PEAK1: variants seen among roughly 807,000 people sequenced by gnomAD.
PEAK1 encodes inactive tyrosine-protein kinase PEAK1.
A neutral mutation model predicts 124.7 loss-of-function variants in PEAK1; 54 were observed. The observed-to-expected ratio is 0.43, with a 90% CI of 0.35 to 0.54. PEAK1 has a LOEUF of 0.54. Ranked by LOEUF, PEAK1 falls within the 20% of genes least tolerant of loss-of-function variation. The probability of loss-of-function intolerance (pLI) is 0.01; values close to 1 mark genes in which losing one functional copy is unlikely to be tolerated. For synonymous variants in PEAK1, 719 were observed against 760.0 expected (o/e 0.95, Z 0.89); for missense variants, 2,046 against 2,134.5 (o/e 0.96, Z 0.82).
rs543319641 is a variant in PEAK1 at position 77,171,666 on chromosome 15, G to T, written c.3137+7124C>A. On this transcript the variant is annotated intron_variant, in intron 7 of 9. Coordinates refer to ENST00000682557, the MANE Select transcript of PEAK1 (RefSeq NM_001385026.1). ...TAACATTATTATATAGTTTCAGATA[G>T]CTAGAAGGAGGATACTGAATGTTGC... is the stretch of plus-strand genomic sequence containing the variant. 4.1e-4 allele frequency among the ~76,000 whole-genome samples: 62 copies of T among 152,216 alleles called. 1 individual carries two copies. Among genetic ancestry groups the T allele is most frequent in the Non-Finnish European group, 6.5e-4 (44 of 67,980 alleles).
At chr15:77,141,667 G>A (rs1267937814) in intron 8 of PEAK1, among the ~76,000 whole-genome samples, 1 of 152,148 alleles carries the variant, frequency 6.6e-6, no homozygotes, top group Non-Finnish European at 1.5e-5. Context: ...TGGTACTGGC[G>A]TAAGAATAGA....
intron 1 of PEAK1, chr15:77,402,168 G>GACAAAAAAAAAAAA: frequency 1.2e-6 from 1 of 862,070 alleles, no homozygotes; most frequent in Non-Finnish European, 1.4e-6. Flanking sequence ...CTCCACCTCG[G>GACAAAAAAAAAAAA]AAAAAAAAAA....
At chr15:77,325,243 T>C (rs2065492568) in intron 2 of PEAK1, among the ~76,000 whole-genome samples, 2 of 151,994 alleles carry the variant, frequency 1.3e-5, no homozygotes. Context: ...TAGGGAGCCC[T>C]GTCTCTATAA....
chr15:77,278,949 C>T (rs1226272237), intron 5 of PEAK1, among the ~76,000 whole-genome samples: 1 of 151,016 alleles, frequency 6.6e-6, no homozygotes, highest in East Asian at 2.0e-4. Flanking sequence ...TCTCTAGCCT[C>T]AGCCTCCCGA....
intron 2 of PEAK1, among the ~76,000 whole-genome samples, chr15:77,295,008 T>C (rs369237194): frequency 4.6e-5 from 7 of 152,302 alleles, no homozygotes; most frequent in East Asian, 1.9e-4. Context: ...TTACTACCAA[T>C]GGATGAATGG....
intron 1 of PEAK1, among the ~76,000 whole-genome samples, chr15:77,370,135 A>G (rs1217271123): frequency 6.6e-6 from 1 of 152,076 alleles, no homozygotes; most frequent in African/African-American, 2.4e-5. Flanking sequence ...AACCAAGCAA[A>G]TTAAGCTACT....
intron 8 of PEAK1, among the ~76,000 whole-genome samples, chr15:77,152,538 G>A (rs938285010): frequency 2.4e-4 from 37 of 152,104 alleles, no homozygotes; most frequent in Admixed American, 7.9e-4. Context: ...GAATAGGAGC[G>A]GTGAGAGAGG....
At chr15:77,321,797 A>G (rs1044610954) in intron 2 of PEAK1, among the ~76,000 whole-genome samples, 4 of 152,176 alleles carry the variant, frequency 2.6e-5, no homozygotes, top group African/African-American at 9.6e-5. Flanking sequence ...CAGGTCTAAC[A>G]TTTAAGTCTT....
chr15:77,155,674 C>A, intron 8 of PEAK1: 1 of 152,288 alleles, frequency 6.6e-6, no homozygotes. Flanking sequence ...TGTGGATGTC[C>A]TTTCTGTTTG....
In PEAK1 at chr15:77,355,970, A is replaced by T. The variant is rs1293280631; in HGVS notation, c.-603+9193T>A. Reference sequence around the variant, plus strand: ...CCTGAGACAAGAGGCAGTCCAGCAAAGCTGTGGGATAACAAACGAGAAAAA... The same window carrying T: ...CCTGAGACAAGAGGCAGTCCAGCAATGCTGTGGGATAACAAACGAGAAAAA... On this transcript the variant is annotated intron_variant, in intron 2 of 9. Coordinates refer to ENST00000682557, the MANE Select transcript of PEAK1 (RefSeq NM_001385026.1). 4.1e-6 allele frequency: 4 copies of T among 973,778 alleles called. No individual in the cohort carries two copies. In the East Asian group the frequency reaches 4.6e-4, roughly 111 times the overall value. The allele number at this position is 973,778 out of a possible 1,614,324, so 60.3% of individuals were successfully genotyped here. A position where few individuals can be genotyped will look rare whatever the true frequency, so the allele number is the denominator to read the frequency against.
At chr15:77,338,635 A>T (rs893113780) in intron 2 of PEAK1, among the ~76,000 whole-genome samples, 23 of 17,740 alleles carry the variant, frequency 1.3e-3, no homozygotes, top group African/African-American at 4.8e-3. Context: ...AAAAATCTTT[A>T]AAAAAAAAAA....
At chr15:77,389,101 C>T (rs956333592) in intron 1 of PEAK1, among the ~76,000 whole-genome samples, 2 of 151,712 alleles carry the variant, frequency 1.3e-5, no homozygotes, top group African/African-American at 2.4e-5. Context: ...GGACTACAGA[C>T]ATGCACCAAC....
At chr15:77,239,010 T>C (rs895001793) in intron 6 of PEAK1, among the ~76,000 whole-genome samples, 5 of 152,202 alleles carry the variant, frequency 3.3e-5, no homozygotes, top group African/African-American at 1.2e-4. Context: ...GTTTTGCTGT[T>C]TCCTATCACA....
At chr15:77,373,245 G>A (rs865776659) in intron 1 of PEAK1, among the ~76,000 whole-genome samples, 2 of 152,028 alleles carry the variant, frequency 1.3e-5, no homozygotes, top group African/African-American at 4.8e-5. Context: ...CCCTTTGCTT[G>A]TTTAGAATCT....
chr15:77,291,314 G>A (rs1403868052), intron 2 of PEAK1, among the ~76,000 whole-genome samples: 1 of 152,170 alleles, frequency 6.6e-6, no homozygotes, highest in Non-Finnish European at 1.5e-5. Flanking sequence ...ATGCTTTTGA[G>A]CTGTCATATT....
intron 6 of PEAK1, among the ~76,000 whole-genome samples, chr15:77,193,707 G>C (rs1019958820): frequency 6.6e-6 from 1 of 152,182 alleles, no homozygotes; most frequent in African/African-American, 2.4e-5. Context: ...GGGAAGCTGA[G>C]GTGGGAGAAT....
At chr15:77,147,228 A>C (rs747402470) in intron 8 of PEAK1, among the ~76,000 whole-genome samples, 1 of 152,214 alleles carries the variant, frequency 6.6e-6, no homozygotes, top group Non-Finnish European at 1.5e-5. Flanking sequence ...TCCTGAGCAG[A>C]GCCAGATTTT....
At chr15:77,309,813 C>T (rs2064327072) in intron 2 of PEAK1, among the ~76,000 whole-genome samples, 1 of 152,054 alleles carries the variant, frequency 6.6e-6, no homozygotes, top group African/African-American at 2.4e-5. Context: ...ATTATTTATA[C>T]TAATAGAAAA....
intron 2 of PEAK1, among the ~76,000 whole-genome samples, chr15:77,340,932 A>G (rs2066489721): frequency 6.6e-6 from 1 of 152,014 alleles, no homozygotes; most frequent in Non-Finnish European, 1.5e-5. Flanking sequence ...AACTCAGGAA[A>G]GTACTATACT....
Sources: allele counts gnomAD v4.1 joint callset (sites outside exome capture counted in the v4.1 genomes callset), GRCh38; gene constraint gnomAD v4.1.1; transcripts MANE v1.5; gene names NCBI Gene and HGNC (gene_info 2026-07-23, HGNC 2026-07-21).